PAPPA2: variants seen among roughly 807,000 people sequenced by gnomAD.
PAPPA2 encodes pappalysin 2.
In PAPPA2, 86 loss-of-function variants were observed where a neutral mutation model predicts 176.4. The observed-to-expected ratio is 0.49, with a 90% CI of 0.41 to 0.58. The LOEUF (loss-of-function observed/expected upper bound fraction) is 0.58, where lower values mean the gene tolerates loss of function less well. Ranked by LOEUF, PAPPA2 falls within the 20% of genes least tolerant of loss-of-function variation. The pLI is 0.00. For synonymous variants in PAPPA2, 809 were observed against 852.2 expected (o/e 0.95, Z 0.88); for missense variants, 2,073 against 2,256.9 (o/e 0.92, Z 1.65).
intron 1 of PAPPA2, among the ~76,000 whole-genome samples, chr1:176,490,161 T>C (rs186910967): frequency 3.3e-5 from 5 of 152,182 alleles, no homozygotes; most frequent in Admixed American, 2.0e-4. Context: ...TTTTTTGCTT[T>C]GGTTCTCTTT....
At chr1:176,590,045 TG>T (rs1232715622) in intron 2 of PAPPA2, among the ~76,000 whole-genome samples, 23 of 152,204 alleles carry the variant, frequency 1.5e-4, no homozygotes, top group African/African-American at 5.5e-4. Context: ...AGAGCAGACC[TG>T]GGATGGACAC....
chr1:176,810,295 A>C (rs1301246759), intron 21 of PAPPA2, among the ~76,000 whole-genome samples: 4 of 152,152 alleles, frequency 2.6e-5, no homozygotes, highest in African/African-American at 9.7e-5. Flanking sequence ...AAGTGACAGC[A>C]GTTGAAACCT....
At chr1:176,676,560 C>T (rs980527509) in intron 4 of PAPPA2, among the ~76,000 whole-genome samples, 2 of 151,844 alleles carry the variant, frequency 1.3e-5, no homozygotes, top group African/African-American at 4.8e-5. Context: ...CTAGTGATTT[C>T]CAGGGTTTAA....
At chr1:176,672,219 T>TGTTCATTAATGAACATAATTAG (rs1659050017) in intron 4 of PAPPA2, among the ~76,000 whole-genome samples, 1 of 152,096 alleles carries the variant, frequency 6.6e-6, no homozygotes, top group African/African-American at 2.4e-5. Context: ...ACATAATTAG[T>TGTTCATTAATGAACATAATTAG]ATACATTTCC....
intron 1 of PAPPA2, among the ~76,000 whole-genome samples, chr1:176,488,450 G>A (rs948193812): frequency 6.6e-6 from 1 of 152,150 alleles, no homozygotes; most frequent in African/African-American, 2.4e-5. Flanking sequence ...TGGAGAGGGT[G>A]TACAAGAGTG....
In PAPPA2 at chr1:176,594,877, A is replaced by G. The variant is rs1253374361; in HGVS notation, c.1273A>G (p.Thr425Ala). ...DGHYFRGHLG[T>A]LVFWSTALPQ... ...GCACTATTTCCGTGGACACCTGGGC[A>G]CACTGGTTTTCTGGTCGACCGCCCT... is the stretch of plus-strand genomic sequence containing the variant. Residue 425 changes from threonine (T) to alanine (A), a missense_variant, in exon 3 of 23, where the codon ACA becomes GCA. Physicochemically the swap from Thr to Ala is moderately conservative, Grantham distance 58. Coordinates refer to ENST00000367662, the MANE Select transcript of PAPPA2 (RefSeq NM_020318.3). The G allele has an allele frequency of 1.9e-6, 3 of 1,614,224 alleles. No homozygotes were observed. Among genetic ancestry groups the G allele is most frequent in the Non-Finnish European group, 2.5e-6 (3 of 1,180,036 alleles).
chr1:176,775,252 A>G (rs899086579), intron 17 of PAPPA2, among the ~76,000 whole-genome samples: 3 of 152,164 alleles, frequency 2.0e-5, no homozygotes, highest in East Asian at 1.9e-4. Context: ...CAGGTATTCA[A>G]TACTTTCTAA....
intron 1 of PAPPA2, among the ~76,000 whole-genome samples, chr1:176,509,933 C>T (rs1051644149): frequency 1.3e-5 from 2 of 152,088 alleles, no homozygotes; most frequent in South Asian, 4.2e-4. Context: ...ACTTGGGAGG[C>T]TGAGGCAGGA....
chr1:176,736,992 A>G (rs1662448145), intron 12 of PAPPA2, among the ~76,000 whole-genome samples: 1 of 151,982 alleles, frequency 6.6e-6, no homozygotes, highest in African/African-American at 2.4e-5. Flanking sequence ...AATTCCCTCT[A>G]TATTAAAATA....
intron 3 of PAPPA2, among the ~76,000 whole-genome samples, chr1:176,665,992 G>A (rs879148735): frequency 5.3e-5 from 8 of 152,272 alleles, no homozygotes; most frequent in Admixed American, 5.2e-4. Flanking sequence ...TTATGTTGGG[G>A]AGTTGTTCGA....
At chr1:176,685,474 C>A (rs915914208) in intron 4 of PAPPA2, among the ~76,000 whole-genome samples, 12 of 152,146 alleles carry the variant, frequency 7.9e-5, no homozygotes, top group African/African-American at 2.7e-4. Context: ...TGTAACCATG[C>A]GGAGTCTGAC....
Position 176,695,842 on chromosome 1 carries a change from C to A in PAPPA2, c.2729C>A (p.Thr910Asn), listed in dbSNP as rs1311365506. The part of the protein sequence containing the change: ...RRVCDSSGYW[T>N]PEEAVGPPDV... ...GTGTGTGACTCCTCAGGTTATTGGA[C>A]CCCAGAGGAGGCTGTGGGTAAAGTA... The change falls in exon 7 of 23, where the codon ACC (threonine) becomes AAC (asparagine). Residue 910 changes from threonine to asparagine, a missense_variant. Physicochemically the swap from Thr to Asn is moderately conservative, Grantham distance 65. Around this residue, in one of 4 missense-constraint regions of PAPPA2, gnomAD observed 1,196 missense variants for 1,330.4 expected, o/e 0.90. Coordinates refer to ENST00000367662, the MANE Select transcript of PAPPA2 (RefSeq NM_020318.3). 3 of 1,613,808 alleles carry A rather than the reference C, an allele frequency of 1.9e-6. No individual in the cohort carries two copies. Among genetic ancestry groups the A allele is most frequent in the Non-Finnish European group, 2.5e-6 (3 of 1,179,994 alleles).
At position 176,842,656 on chromosome 1, in the gene PAPPA2, T is replaced by C. The variant is rs1242316450; in HGVS notation, c.*202T>C. ...AAGTAGCCCAAGTAGGAGAGAATCA[T>C]AGGCAAAAGTTTCTTTAAAGTGGCA... is the stretch of plus-strand genomic sequence containing the variant. On this transcript the variant is annotated 3_prime_UTR_variant, in exon 23 of 23. Transcript: ENST00000367662. 1.8e-5 allele frequency: 10 copies of C among 555,212 alleles called. No homozygotes were observed. Among genetic ancestry groups the C allele is most frequent in the Non-Finnish European group, 3.2e-5 (10 of 314,810 alleles). The allele number at this position is 555,212 out of a possible 1,614,324, so 34.4% of individuals were successfully genotyped here. A position where few individuals can be genotyped will look rare whatever the true frequency, so the allele number is the denominator to read the frequency against.
chr1:176,478,650 T>C (rs1044560769), intron 1 of PAPPA2, among the ~76,000 whole-genome samples: 2 of 152,252 alleles, frequency 1.3e-5, no homozygotes, highest in Non-Finnish European at 2.9e-5. Context: ...ACCATGAGTA[T>C]TGTGCCACAA....
intron 12 of PAPPA2, among the ~76,000 whole-genome samples, chr1:176,721,071 C>G (rs185222047): frequency 6.6e-6 from 1 of 152,192 alleles, no homozygotes; most frequent in Non-Finnish European, 1.5e-5. Context: ...ACATGACAGT[C>G]TCCTCCAGAA....
intron 1 of PAPPA2, among the ~76,000 whole-genome samples, chr1:176,496,220 C>A (rs2102500588): frequency 6.6e-6 from 1 of 152,268 alleles, no homozygotes; most frequent in South Asian, 2.1e-4. Flanking sequence ...TTAGGTATAT[C>A]TCCAATGCTA....
intron 2 of PAPPA2, among the ~76,000 whole-genome samples, chr1:176,572,817 A>G (rs911650487): frequency 2.0e-5 from 3 of 152,206 alleles, no homozygotes; most frequent in African/African-American, 7.2e-5. Context: ...GTTCATTGCA[A>G]TAGGATTTTC....
At chr1:176,545,117 A>T (rs562061307) in intron 1 of PAPPA2, among the ~76,000 whole-genome samples, 1 of 152,238 alleles carries the variant, frequency 6.6e-6, no homozygotes, top group African/African-American at 2.4e-5. Flanking sequence ...CCTCCTTGGA[A>T]GTCAAAGAGG....
At chr1:176,739,936 AC>A in intron 13 of PAPPA2, 43 bp from the exon 14 acceptor site, 2 of 1,601,218 alleles carry the variant, frequency 1.2e-6, no homozygotes, top group Non-Finnish European at 1.7e-6. Context: ...GAAACATGGT[AC>A]TAACAATGGC....
Sources: gnomAD v4.1 joint callset for allele counts (sites outside exome capture counted in the v4.1 genomes callset) on GRCh38, gnomAD v4.1.1 for gene constraint, gnomAD v4.1.1 regional missense constraint, MANE v1.5 for transcripts, NCBI Gene and HGNC (gene_info 2026-07-23, HGNC 2026-07-21) for gene names.